RANBP2: variants seen among roughly 807,000 people sequenced by gnomAD.
RANBP2 encodes E3 SUMO-protein ligase RanBP2.
RANBP2 carries 57 observed loss-of-function variants against 303.6 expected under a neutral mutation model. That is an observed-to-expected ratio of 0.19 (90% CI 0.15 to 0.23). The LOEUF (loss-of-function observed/expected upper bound fraction) is 0.23, where lower values mean the gene tolerates loss of function less well. Among genes scored for constraint, RANBP2 ranks in the 10% least tolerant of loss-of-function variants. The pLI is 1.00. For missense variants in RANBP2, 3,138 were observed against 3,780.8 expected (o/e 0.83, Z 4.46); for synonymous variants, 1,167 against 1,301.5 (o/e 0.90, Z 2.23).
downstream of RANBP2, chr2:108,786,846 A>G (rs766473132): frequency 1.6e-5 from 25 of 1,592,194 alleles, no homozygotes; most frequent in African/African-American, 3.2e-4. Context: ...TCGTCAAGCC[A>G]CCGGGGCAGG....
the RANBP2 span, among the ~76,000 whole-genome samples, chr2:109,088,174 G>A: frequency 1.3e-5 from 2 of 151,960 alleles, no homozygotes; most frequent in African/African-American, 2.4e-5. Flanking sequence ...CGAGGTGGGC[G>A]GATCACAAGG....
chr2:108,810,156 CT>C, the RANBP2 span, among the ~76,000 whole-genome samples: 1 of 152,142 alleles, frequency 6.6e-6, no homozygotes, highest in Non-Finnish European at 1.5e-5. Flanking sequence ...CTTAATTACT[CT>C]GGCTAGTACT....
the RANBP2 span, among the ~76,000 whole-genome samples, chr2:109,027,829 G>A: frequency 6.6e-6 from 1 of 152,192 alleles, no homozygotes; most frequent in African/African-American, 2.4e-5. Context: ...TCTCCCTGCA[G>A]GCTCTGAGTC....
At chr2:108,807,257 A>G in the RANBP2 span, among the ~76,000 whole-genome samples, 2 of 152,238 alleles carry the variant, frequency 1.3e-5, no homozygotes, top group Non-Finnish European at 2.9e-5. Flanking sequence ...TTCATTAGAG[A>G]ATTCCTAGCA....
chr2:108,737,551 C>CT (rs61550954), intron 6 of RANBP2, among the ~76,000 whole-genome samples: 3,143 of 119,504 alleles, frequency 0.026, 121 homozygotes, highest in African/African-American at 0.077. Flanking sequence ...GTCTCAAGCT[C>CT]TTTTTTTTTT....
chr2:109,660,995 G>T, the RANBP2 span, among the ~76,000 whole-genome samples: 1 of 152,102 alleles, frequency 6.6e-6, no homozygotes, highest in Non-Finnish European at 1.5e-5. Context: ...GCATCCTTAG[G>T]TTAGTTAGGG....
intron 1 of RANBP2, among the ~76,000 whole-genome samples, chr2:108,720,658 A>C (rs1374480583): frequency 1.3e-5 from 2 of 152,232 alleles, no homozygotes; most frequent in Non-Finnish European, 2.9e-5. Flanking sequence ...TAACATTAAT[A>C]GAATTTGATA....
At chr2:109,210,343 T>C in the RANBP2 span, among the ~76,000 whole-genome samples, 1 of 152,230 alleles carries the variant, frequency 6.6e-6, no homozygotes, top group Non-Finnish European at 1.5e-5. Flanking sequence ...TCAAGATTTT[T>C]AATGTCACTG....
At chr2:108,988,432 C>T in the RANBP2 span, among the ~76,000 whole-genome samples, 1 of 152,180 alleles carries the variant, frequency 6.6e-6, no homozygotes, top group African/African-American at 2.4e-5. Context: ...CCACTCCCCT[C>T]CTTCTCTCCC....
At chr2:109,377,524 G>A in the RANBP2 span, among the ~76,000 whole-genome samples, 7 of 152,222 alleles carry the variant, frequency 4.6e-5, no homozygotes, top group Non-Finnish European at 1.0e-4. Context: ...GGATGCTTGT[G>A]CCTTAGTTGG....
At chr2:109,539,955 G>T in the RANBP2 span, among the ~76,000 whole-genome samples, 1 of 152,134 alleles carries the variant, frequency 6.6e-6, no homozygotes, top group South Asian at 2.1e-4. Context: ...GTTGTTTCGG[G>T]TTTTGGCAGA....
chr2:109,554,037 A>G, the RANBP2 span, among the ~76,000 whole-genome samples: 41 of 152,336 alleles, frequency 2.7e-4, no homozygotes, highest in African/African-American at 9.9e-4. Flanking sequence ...TCACAAAAAC[A>G]TTACCAAACT....
chr2:109,660,745 T>C, the RANBP2 span, among the ~76,000 whole-genome samples: 1 of 152,332 alleles, frequency 6.6e-6, no homozygotes, highest in South Asian at 2.1e-4. Context: ...TGGAACCTCA[T>C]TTTAATTTTC....
the RANBP2 span, among the ~76,000 whole-genome samples, chr2:109,602,583 G>A: frequency 5.6e-4 from 85 of 151,854 alleles, 1 homozygote; most frequent in South Asian, 0.017. Context: ...GGTGAGGCAG[G>A]AGAATCGCTT....
the RANBP2 span, among the ~76,000 whole-genome samples, chr2:109,233,400 A>G: frequency 1.4e-4 from 21 of 152,228 alleles, no homozygotes; most frequent in Admixed American, 1.1e-3. Flanking sequence ...GACCATCCCC[A>G]GCTGAATTCC....
At chr2:108,895,773 C>T in the RANBP2 span, 2 of 152,232 alleles carry the variant, frequency 1.3e-5, no homozygotes, top group Admixed American at 6.5e-5. Context: ...CCAGCTCCCT[C>T]GACATCAAGC....
At chr2:109,263,235 CTT>C in the RANBP2 span, among the ~76,000 whole-genome samples, 1 of 152,170 alleles carries the variant, frequency 6.6e-6, no homozygotes, top group Non-Finnish European at 1.5e-5. Context: ...TACTAGTGCT[CTT>C]TGTCATTTTA....
the RANBP2 span, among the ~76,000 whole-genome samples, chr2:108,925,372 T>C: frequency 1.6e-4 from 24 of 152,336 alleles, no homozygotes; most frequent in African/African-American, 5.5e-4. Flanking sequence ...GTCTCTGTCA[T>C]GGGTAAAGCT....
chr2:109,139,549 C>A, the RANBP2 span, among the ~76,000 whole-genome samples: 7 of 152,206 alleles, frequency 4.6e-5, no homozygotes, highest in South Asian at 6.2e-4. Flanking sequence ...TGCTAGAAAT[C>A]TGAGTTTTAA....
Sources: gnomAD v4.1 joint callset for allele counts (sites outside exome capture counted in the v4.1 genomes callset) on GRCh38, gnomAD v4.1.1 for gene constraint, MANE v1.5 for transcripts, NCBI Gene and HGNC (gene_info 2026-07-23, HGNC 2026-07-21) for gene names.